The following CALY variants were observed in gnomAD, a reference collection of about 807,000 sequenced individuals.
CALY encodes the protein calcyon neuron specific vesicular protein, also known as neuron-specific vesicular protein calcyon.
In CALY, 15 loss-of-function variants were observed where a neutral mutation model predicts 20.2. The ratio of observed to expected loss-of-function variants is 0.74; its 90% confidence interval spans 0.50 to 1.14. The LOEUF is 1.14. Ranked by LOEUF, CALY falls within the 50% of genes most tolerant of loss-of-function variation. The pLI is 0.00. For synonymous variants in CALY, 129 were observed against 131.8 expected, an observed-to-expected ratio of 0.98 and a Z score of 0.15; for missense variants, 270 against 304.4, an observed-to-expected ratio of 0.89 and a Z score of 0.84.
At chr10:133,333,308 A>AGGG (rs1848346266) in intron 1 of CALY, among the ~76,000 whole-genome samples, 1 of 53,640 alleles carries the variant, frequency 1.9e-5, no homozygotes, top group Non-Finnish European at 4.0e-5. Flanking sequence ...GGGGGGAAGG[A>AGGG]TCCGAGGGGT....
At chr10:133,326,392 G>A in intron 4 of CALY, 1 of 830,614 alleles carries the variant, frequency 1.2e-6, no homozygotes, top group Non-Finnish European at 2.0e-6. Context: ...TGCGGAGCGC[G>A]CTCCAGAGCA....
chr10:133,331,999 C>T lies in CALY; in HGVS notation c.-20-2990G>A, dbSNP rs979758575. On this transcript the variant is annotated intron_variant, in intron 1 of 5. Transcript: ENST00000252939. ...AAAACTAGCCGGGCATGGTGGTACA[C>T]GCCTATAATCCCAGAATCTCGGGAG... 1.2e-4 allele frequency among the ~76,000 whole-genome samples: 18 copies of T among 152,202 alleles called. No homozygotes were observed. In the East Asian group the frequency reaches 3.1e-3, roughly 26 times the overall value.
chr10:133,325,626 C>G (rs1197605118), intron 5 of CALY, 60 bp from the exon 6 acceptor site: 1 of 319,180 alleles, frequency 3.1e-6, no homozygotes, highest in African/African-American at 2.2e-5. Context: ...CCCCGCGGAC[C>G]CCGCGTCACC....
Position 133,325,808 on chromosome 10 carries a change from G to T in CALY, c.*19C>A. 1 of 1,190,010 alleles carries T rather than the reference G, an allele frequency of 8.4e-7. No homozygotes were observed. Among genetic ancestry groups the T allele is most frequent in the Non-Finnish European group, 1.0e-6 (1 of 957,726 alleles). The allele number at this position is 1,190,010 out of a possible 1,614,324, so 73.7% of individuals were successfully genotyped here. On this transcript the variant is annotated 3_prime_UTR_variant, in exon 5 of 6. Coordinates refer to ENST00000252939, the MANE Select transcript of CALY (RefSeq NM_015722.4). ...CGCGGCGCGCACCTACCCCGGGCCG[G>T]GCTGCGGGGCTGGAGACGTCACTGC...
At chr10:133,326,826 T>C (rs775142549) in intron 4 of CALY, 52 bp downstream of exon 4, 54 of 1,252,530 alleles carry the variant, frequency 4.3e-5, no homozygotes, top group Non-Finnish European at 5.8e-5. Context: ...GCCTGGAGGC[T>C]ACGGGAGGAG....
chr10:133,336,345 C>T (rs1272108278), intron 1 of CALY, among the ~76,000 whole-genome samples: 9 of 152,170 alleles, frequency 5.9e-5, no homozygotes, highest in Admixed American at 1.3e-4. Context: ...GTCACGCAGA[C>T]GCCCCCATCA....
At chr10:133,327,053 C>T in intron 3 of CALY, 62 bp from the exon 4 acceptor site, 1 of 1,154,388 alleles carries the variant, frequency 8.7e-7, no homozygotes, top group Non-Finnish European at 1.3e-6. Context: ...GTGGGGAGCT[C>T]CTCAGGGGCT....
In CALY at chr10:133,326,384, C is replaced by T. The variant is rs148575049; in HGVS notation, c.361-264G>A. ...CCTGCCCAGCGCAGCAAGGACTCTG[C>T]GGAGCGCGCTCCAGAGCATAAACCA... On this transcript the variant is annotated intron_variant, in intron 4 of 5. Transcript: ENST00000252939. 8.8e-4 allele frequency: 805 copies of T among 916,152 alleles called. 6 individuals are homozygous for T. The African/African-American group carries it at 0.012, about 14-fold the overall frequency. The allele number at this position is 916,152 out of a possible 1,614,324, so 56.8% of individuals were successfully genotyped here.
At chr10:133,336,089 G>T (rs1039693604) in intron 1 of CALY, among the ~76,000 whole-genome samples, 1 of 152,148 alleles carries the variant, frequency 6.6e-6, no homozygotes, top group African/African-American at 2.4e-5. Context: ...TGTGACTGCG[G>T]ATCTGAGGGT....
At chr10:133,335,143 G>A (rs1848416017) in intron 1 of CALY, among the ~76,000 whole-genome samples, 1 of 152,154 alleles carries the variant, frequency 6.6e-6, no homozygotes, top group Admixed American at 6.5e-5. Context: ...GGCGAGGGCA[G>A]CCAGCGCCGG....
At chr10:133,334,832 C>T (rs1848405910) in intron 1 of CALY, among the ~76,000 whole-genome samples, 1 of 152,058 alleles carries the variant, frequency 6.6e-6, no homozygotes, top group Non-Finnish European at 1.5e-5. Context: ...TAACCCGTGC[C>T]CCTCGTTGTT....
intron 3 of CALY, 55 bp from the exon 4 acceptor site, chr10:133,327,046 G>A (rs1455057360): frequency 8.0e-7 from 1 of 1,256,188 alleles, no homozygotes; most frequent in Non-Finnish European, 1.1e-6. Context: ...GGTCTTTGTG[G>A]GGAGCTCCTC....
Position 133,325,827 on chromosome 10 carries a change from T to C in CALY, c.654A>G (p.Ter218TrpextTer51). 8.2e-7 allele frequency: 1 copy of C among 1,218,290 alleles called. No individual in the cohort carries two copies. Among genetic ancestry groups the C allele is most frequent in the Non-Finnish European group, 1.0e-6 (1 of 979,614 alleles). The allele number at this position is 1,218,290 out of a possible 1,614,324, so 75.5% of individuals were successfully genotyped here. ...AGSAAPPPAQ[*>W] ...GGGCCGGGCTGCGGGGCTGGAGACG[T>C]CACTGCGCGGGCGGGGGCGCCGCGC... is the stretch of plus-strand genomic sequence containing the variant. Residue 218 changes from the stop codon to tryptophan, a stop_lost, in exon 5 of 6, where the codon TGA (stop) becomes TGG (tryptophan). Coordinates refer to ENST00000252939, the MANE Select transcript of CALY (RefSeq NM_015722.4).
Position 133,325,936 on chromosome 10 carries a change from G to T in CALY, c.545C>A (p.Ala182Asp). The T allele has an allele frequency of 7.3e-7, 1 of 1,371,922 alleles. No homozygotes were observed. The allele number at this position is 1,371,922 out of a possible 1,614,324, so 85.0% of individuals were successfully genotyped here. Residue 182 changes from alanine to aspartate, a missense_variant, in exon 5 of 6, where the codon GCT (alanine) becomes GAT (aspartate). Physicochemically the swap from Ala to Asp is moderately radical, Grantham distance 126. Coordinates refer to ENST00000252939, the MANE Select transcript of CALY (RefSeq NM_015722.4). The part of the protein sequence containing the change: ...AKEERKGPTQ[A>D]GAAAAATEPP... Reference sequence around the variant, plus strand: ...TTCGGTGGCCGCCGCCGCCGCCCCAGCCTGGGTGGGCCCCTTGCGCTCCTC... The same window carrying T: ...TTCGGTGGCCGCCGCCGCCGCCCCATCCTGGGTGGGCCCCTTGCGCTCCTC...
At chr10:133,325,748 C>T in intron 5 of CALY, 51 bp downstream of exon 5, 2 of 838,032 alleles carry the variant, frequency 2.4e-6, no homozygotes, top group East Asian at 3.9e-5. Flanking sequence ...TGGCGGGAGG[C>T]CAGGAAGAGA....
At chr10:133,328,091 G>A in intron 2 of CALY, 76 bp from the exon 3 acceptor site, 2 of 885,836 alleles carry the variant, frequency 2.3e-6, no homozygotes, top group Non-Finnish European at 3.7e-6. Context: ...AGAGGGGAGG[G>A]AGCCAGCGTC....
rs1163266263 is a variant in CALY at position 133,324,697 on chromosome 10, G to C, written c.*898C>G. 2.8e-6 allele frequency: 1 copy of C among 351,610 alleles called. No individual in the cohort carries two copies. The allele number at this position is 351,610 out of a possible 1,614,324, so 21.8% of individuals were successfully genotyped here. On this transcript the variant is annotated 3_prime_UTR_variant, in exon 6 of 6. Transcript: ENST00000252939. The stretch of plus-strand genomic sequence containing the variant: ...TGCAGGTGGTGGGTGAGATCTGCCG[G>C]AAGTCCATTCCCTGTAGTGTTCAGT...
At chr10:133,329,392 CTT>C (rs112012967) in intron 1 of CALY, among the ~76,000 whole-genome samples, 3 of 137,436 alleles carry the variant, frequency 2.2e-5, no homozygotes. Flanking sequence ...TCTTCTTCTT[CTT>C]TTTTTTTTTT....
intron 1 of CALY, among the ~76,000 whole-genome samples, chr10:133,329,612 T>C (rs1848271314): frequency 6.6e-6 from 1 of 151,964 alleles, no homozygotes; most frequent in Admixed American, 6.6e-5. Context: ...TCTCAAGCGA[T>C]CTGCTTGCCT....
Sources: allele counts gnomAD v4.1 joint callset (sites outside exome capture counted in the v4.1 genomes callset), GRCh38; gene constraint gnomAD v4.1.1; transcripts MANE v1.5; gene names NCBI Gene and HGNC (gene_info 2026-07-23, HGNC 2026-07-21).